The following BANK1 variants were observed in gnomAD, a reference collection of about 807,000 sequenced individuals.
The protein encoded by BANK1 is B cell scaffold protein with ankyrin repeats 1.
A neutral mutation model predicts 94.5 loss-of-function variants in BANK1; 95 were observed. The observed-to-expected ratio is 1.00, with a 90% CI of 0.85 to 1.19. The LOEUF is 1.19. Among genes scored for constraint, BANK1 ranks in the 50% most tolerant of loss-of-function variants. The probability of loss-of-function intolerance (pLI) is 0.00; values close to 1 mark genes in which losing one functional copy is unlikely to be tolerated. For missense variants in BANK1, 987 were observed against 932.2 expected (o/e 1.06, Z -0.77); for synonymous variants, 334 against 308.4 (o/e 1.08, Z -0.87).
intron 10 of BANK1, among the ~76,000 whole-genome samples, chr4:102,032,968 G>A (rs1373157813): frequency 6.6e-6 from 1 of 152,026 alleles, no homozygotes; most frequent in Non-Finnish European, 1.5e-5. Flanking sequence ...AGCATTGTAG[G>A]GTAATTAGGA....
In BANK1 at chr4:102,033,255, T is replaced by C. The variant is rs145687071; in HGVS notation, c.1900+2990T>C. Reference sequence around the variant, plus strand: ...GTACCATGTCCAAAACTACTTCTGTTCAATTTCTCTAATGAAGAACCCTCC... The same window carrying C: ...GTACCATGTCCAAAACTACTTCTGTCCAATTTCTCTAATGAAGAACCCTCC... On this transcript the variant is annotated intron_variant, in intron 10 of 16. Coordinates refer to ENST00000322953, the MANE Select transcript of BANK1 (RefSeq NM_017935.5). 6.0e-3 allele frequency among the ~76,000 whole-genome samples: 917 copies of C among 152,306 alleles called. 11 individuals carry two copies. Among genetic ancestry groups the C allele is most frequent in the African/African-American group, 0.021 (871 of 41,558 alleles).
Position 101,833,644 on chromosome 4 carries a change from T to G in BANK1, c.469+3438T>G, listed in dbSNP as rs114650256. On this transcript the variant is annotated intron_variant, in intron 2 of 16. Transcript: ENST00000322953. ...TTCTTCAAAGTGTCTTTTCTCTGTTTCCTCCTGTACACCCTCATGCTGTAT... is the reference window on the plus strand; with the variant it reads ...TTCTTCAAAGTGTCTTTTCTCTGTTGCCTCCTGTACACCCTCATGCTGTAT... Among the ~76,000 whole-genome samples the G allele has an allele frequency of 1.1e-3, 161 of 152,298 alleles. 1 individual carries two copies. Among genetic ancestry groups the G allele is most frequent in the Admixed American group, 4.7e-3 (72 of 15,296 alleles).
intron 6 of BANK1, among the ~76,000 whole-genome samples, chr4:101,905,738 A>G (rs929894154): frequency 6.6e-6 from 1 of 152,154 alleles, no homozygotes; most frequent in African/African-American, 2.4e-5. Context: ...AATCAACTAA[A>G]TGTGCTTTCC....
chr4:102,054,338 C>T (rs962361951), intron 11 of BANK1, among the ~76,000 whole-genome samples: 31 of 152,044 alleles, frequency 2.0e-4, no homozygotes, highest in African/African-American at 7.2e-4. Context: ...TAACAGAAGC[C>T]TGAAACACGA....
intron 7 of BANK1, among the ~76,000 whole-genome samples, chr4:101,964,985 A>G (rs923500425): frequency 1.6e-4 from 21 of 135,082 alleles, no homozygotes; most frequent in Middle Eastern, 4.5e-3. Flanking sequence ...CTCATTGTTC[A>G]ATTCCCACCT....
intron 7 of BANK1, among the ~76,000 whole-genome samples, chr4:101,931,009 C>A (rs73836663): frequency 1.1e-3 from 167 of 151,616 alleles, no homozygotes; most frequent in African/African-American, 3.8e-3. Context: ...CTCTCAGAAT[C>A]CAGTAAAAGA....
chr4:101,853,782 A>C (rs905592928), intron 2 of BANK1, among the ~76,000 whole-genome samples: 3 of 152,136 alleles, frequency 2.0e-5, no homozygotes. Flanking sequence ...AAACCAGGAA[A>C]TTCCCAGACA....
chr4:101,925,982 C>T (rs1469797594), intron 7 of BANK1, among the ~76,000 whole-genome samples: 1 of 151,666 alleles, frequency 6.6e-6, no homozygotes, highest in Non-Finnish European at 1.5e-5. Flanking sequence ...ATTGTCCTTT[C>T]AGAAGGAAAA....
rs1227243005 is a variant in BANK1 at position 102,010,218 on chromosome 4, T to TC, written c.1207-11294dup. 2.6e-5 allele frequency among the ~76,000 whole-genome samples: 4 copies of TC among 151,462 alleles called. No homozygotes were observed. In the South Asian group the frequency reaches 6.2e-4, roughly 24 times the overall value. ...AGGCAGAGCTTGCAGTGAGCAGAGA[T>TC]CCAGCCACTGCACTCCAGCCTGGGC... On this transcript the variant is annotated intron_variant, in intron 7 of 16. Transcript: ENST00000322953.
intron 2 of BANK1, among the ~76,000 whole-genome samples, chr4:101,853,035 A>T (rs548922720): frequency 6.6e-6 from 1 of 152,208 alleles, no homozygotes; most frequent in East Asian, 1.9e-4. Context: ...TGATTTGTGT[A>T]TGTCTATGTG....
At chr4:101,893,841 T>G (rs929202068) in intron 5 of BANK1, among the ~76,000 whole-genome samples, 1 of 152,082 alleles carries the variant, frequency 6.6e-6, no homozygotes, top group Non-Finnish European at 1.5e-5. Flanking sequence ...CAATTACTCA[T>G]TGAGTACAAA....
chr4:101,802,105 G>A (rs917471358), intron 1 of BANK1, among the ~76,000 whole-genome samples: 65 of 152,268 alleles, frequency 4.3e-4, no homozygotes, highest in African/African-American at 1.3e-3. Flanking sequence ...GCATAGGCCC[G>A]GGGATAGAGC....
chr4:102,003,009 C>T (rs1317140452), intron 7 of BANK1, among the ~76,000 whole-genome samples: 3 of 152,192 alleles, frequency 2.0e-5, no homozygotes, highest in Non-Finnish European at 4.4e-5. Flanking sequence ...GATCCGCCCA[C>T]CTCGGCCTCC....
intron 1 of BANK1, among the ~76,000 whole-genome samples, chr4:101,822,581 G>C (rs953441533): frequency 6.6e-6 from 1 of 151,558 alleles, no homozygotes; most frequent in Admixed American, 6.6e-5. Context: ...CAAAATAATG[G>C]GTGGTCTTAT....
intron 7 of BANK1, among the ~76,000 whole-genome samples, chr4:101,980,715 C>G (rs1366243650): frequency 6.6e-6 from 1 of 151,998 alleles, no homozygotes; most frequent in Non-Finnish European, 1.5e-5. Context: ...TCCAAAGAAA[C>G]AGTATGTCAT....
rs1183802726 is a variant in BANK1, at chr4:102,060,247, T to C, written c.2006T>C (p.Leu669Pro). The C allele has an allele frequency of 6.2e-7, 1 of 1,603,310 alleles. No individual in the cohort carries two copies. The highest frequency in any genetic ancestry group is 1.1e-5 in the South Asian group (1 of 89,014). Residue 669 changes from leucine (L) to proline (P), a missense_variant, in exon 12 of 17, where the codon CTC becomes CCC. Transcript: ENST00000322953. ...ARIESPAFST[L>P]RGCLTDGQEE... is the part of the protein sequence containing the mutation. ...ATAGAGAGTCCAGCCTTTTCTACTC[T>C]CAGGGGCTGTCTAACTGATGGTCAG... is the stretch of plus-strand genomic sequence containing the variant.
At chr4:101,840,000 G>A (rs1412148012) in intron 2 of BANK1, among the ~76,000 whole-genome samples, 3 of 89,954 alleles carry the variant, frequency 3.3e-5, no homozygotes, top group South Asian at 3.9e-4. Context: ...ACAGAGTCTC[G>A]CTCTGTCGCC....
At chr4:101,834,101 A>T (rs939418101) in intron 2 of BANK1, among the ~76,000 whole-genome samples, 1 of 152,214 alleles carries the variant, frequency 6.6e-6, no homozygotes, top group South Asian at 2.1e-4. Flanking sequence ...TGTCACTATT[A>T]TGTAAAAATA....
intron 2 of BANK1, among the ~76,000 whole-genome samples, chr4:101,852,161 C>A (rs111314358): frequency 0.012 from 1,874 of 151,948 alleles, 17 homozygotes; most frequent in Non-Finnish European, 0.019. Context: ...CACCATTTAT[C>A]AATTTCTAGT....
Sources: gnomAD v4.1 joint callset for allele counts (sites outside exome capture counted in the v4.1 genomes callset) on GRCh38, gnomAD v4.1.1 for gene constraint, MANE v1.5 for transcripts, NCBI Gene and HGNC (gene_info 2026-07-23, HGNC 2026-07-21) for gene names.